Variants in TMEM132C observed in about 807,000 individuals in gnomAD.
TMEM132C encodes the protein transmembrane protein 132C.
Under a neutral mutation model 61.4 loss-of-function variants are expected in TMEM132C, and 29 were observed. The ratio of observed to expected loss-of-function variants is 0.47; its 90% CI spans 0.35 to 0.64. The LOEUF is 0.64. Ranked by LOEUF, TMEM132C falls within the 30% of genes least tolerant of loss-of-function variation. The pLI is 0.00. For missense variants in TMEM132C, 1,408 were observed against 1,476.9 expected (o/e 0.95, Z 0.76); for synonymous variants, 656 against 633.1 (o/e 1.04, Z -0.54).
chr12:128,358,130 G>C (rs1003724969), intron 1 of TMEM132C, among the ~76,000 whole-genome samples: 1 of 152,134 alleles, frequency 6.6e-6, no homozygotes. Flanking sequence ...GCCCTGGGCA[G>C]AGAGGCCCAG....
intron 3 of TMEM132C, among the ~76,000 whole-genome samples, chr12:128,559,544 C>T (rs1054740783): frequency 1.1e-4 from 16 of 152,280 alleles, no homozygotes; most frequent in South Asian, 2.1e-4. Context: ...TGCACAGAGA[C>T]GGCACCCATT....
intron 2 of TMEM132C, among the ~76,000 whole-genome samples, chr12:128,531,144 G>T (rs1873283103): frequency 6.6e-6 from 1 of 152,220 alleles, no homozygotes; most frequent in South Asian, 2.1e-4. Flanking sequence ...TGCTGTAGGA[G>T]TAGCCCCTTG....
At chr12:128,584,246 C>A (rs953375705) in intron 3 of TMEM132C, among the ~76,000 whole-genome samples, 7 of 152,164 alleles carry the variant, frequency 4.6e-5, no homozygotes, top group African/African-American at 1.4e-4. Flanking sequence ...GAAATAGTTC[C>A]TTGGAAGCAG....
At chr12:128,664,230 T>C (rs764859666) in intron 4 of TMEM132C, among the ~76,000 whole-genome samples, 34 of 88,536 alleles carry the variant, frequency 3.8e-4, no homozygotes, top group Admixed American at 1.6e-3. Context: ...GTGTGTTCCA[T>C]GAAGTCGTTC....
intron 5 of TMEM132C, among the ~76,000 whole-genome samples, chr12:128,679,829 T>G (rs1223831901): frequency 6.6e-6 from 1 of 152,134 alleles, no homozygotes; most frequent in African/African-American, 2.4e-5. Flanking sequence ...ATATTGTAGA[T>G]GCTATGGAGA....
At chr12:128,492,695 GTTGT>G (rs1871785083) in intron 2 of TMEM132C, among the ~76,000 whole-genome samples, 1 of 152,132 alleles carries the variant, frequency 6.6e-6, no homozygotes. Flanking sequence ...TTGTGATGGG[GTTGT>G]TTGTTTTTTT....
intron 2 of TMEM132C, among the ~76,000 whole-genome samples, chr12:128,464,203 G>A (rs1033663566): frequency 5.3e-5 from 8 of 152,104 alleles, no homozygotes; most frequent in East Asian, 1.9e-4. Flanking sequence ...GGAGAATACC[G>A]TTCATGAGCA....
intron 1 of TMEM132C, among the ~76,000 whole-genome samples, chr12:128,273,671 C>A (rs146780275): frequency 0.01 from 1,554 of 152,132 alleles, 17 homozygotes; most frequent in Middle Eastern, 0.027. Flanking sequence ...ATTTTATCTC[C>A]ACTATTGGCT....
At position 128,706,992 on chromosome 12, in the gene TMEM132C, T is replaced by C. The variant is rs1954846431; in HGVS notation, c.*697T>C. The C allele has an allele frequency of 6.6e-6, 1 of 152,254 alleles. No individual in the cohort carries two copies. 9.4% of individuals were successfully genotyped at this position (152,254 alleles called of 1,614,324 possible). ...AAACATAAATTATATTCCTATTCATTAGATAGGTTCCTAGGAACAATGCCA... is the reference window on the plus strand; with the variant it reads ...AAACATAAATTATATTCCTATTCATCAGATAGGTTCCTAGGAACAATGCCA... On this transcript the variant is annotated 3_prime_UTR_variant, in exon 9 of 9. Coordinates refer to ENST00000435159, the MANE Select transcript of TMEM132C (RefSeq NM_001136103.3).
chr12:128,404,113 C>T (rs1343637440), intron 1 of TMEM132C, among the ~76,000 whole-genome samples: 1 of 152,212 alleles, frequency 6.6e-6, no homozygotes, highest in Non-Finnish European at 1.5e-5. Context: ...TCAAGAAAAT[C>T]ACCCTTAACC....
At chr12:128,618,822 G>A (rs1876896348) in intron 4 of TMEM132C, among the ~76,000 whole-genome samples, 1 of 152,080 alleles carries the variant, frequency 6.6e-6, no homozygotes, top group African/African-American at 2.4e-5. Flanking sequence ...CCAGTCTCAG[G>A]TATGTCTTTA....
At chr12:128,270,511 G>A (rs1215069130) in intron 1 of TMEM132C, among the ~76,000 whole-genome samples, 1 of 152,162 alleles carries the variant, frequency 6.6e-6, no homozygotes, top group African/African-American at 2.4e-5. Context: ...GCCAAACCTT[G>A]GGATTGTCAG....
rs541058470 is a variant in TMEM132C, at chr12:128,516,078, C to T, written c.975-27879C>T. Among the ~76,000 whole-genome samples, 7 of 152,204 alleles carry T rather than the reference C, an allele frequency of 4.6e-5. No individual in the cohort carries two copies. In the East Asian group the frequency reaches 5.8e-4, roughly 13 times the overall value. On this transcript the variant is annotated intron_variant, in intron 2 of 8. Transcript: ENST00000435159. ...ATTCAGAAGGAAGGAGGAACCTGGA[C>T]GACAGAACGAGGCCTGATGCCACAA...
intron 2 of TMEM132C, among the ~76,000 whole-genome samples, chr12:128,528,439 C>T (rs1345887820): frequency 6.6e-6 from 1 of 152,202 alleles, no homozygotes; most frequent in African/African-American, 2.4e-5. Flanking sequence ...AATCTCAGAG[C>T]AGCAGATGCG....
intron 1 of TMEM132C, among the ~76,000 whole-genome samples, chr12:128,353,835 A>G (rs947430803): frequency 6.6e-6 from 1 of 152,164 alleles, no homozygotes; most frequent in African/African-American, 2.4e-5. Context: ...CCAAGTGCTG[A>G]AAACAGCACC....
Position 128,415,073 on chromosome 12 carries a change from A to C in TMEM132C, c.427A>C (p.Ser143Arg). ...CATCCTGCGGGACAAAGTCTACCTG[A>C]GCCGGCCCAAAGTGCAGGTTCTTTT... is the stretch of plus-strand genomic sequence containing the variant. ...AHILRDKVYL[S>R]RPKVQVLFHI... The change falls in exon 2 of 9, where the codon AGC becomes CGC. Residue 143 changes from serine (S) to arginine (R), a missense_variant. Coordinates refer to ENST00000435159, the MANE Select transcript of TMEM132C (RefSeq NM_001136103.3). This position sits in a 1 kb window ranked among gnomAD's most constrained non-coding sequence, Gnocchi z 5.8. 6.2e-7 allele frequency: 1 copy of C among 1,601,184 alleles called. No individual in the cohort carries two copies. Among genetic ancestry groups the C allele is most frequent in the Non-Finnish European group, 8.5e-7 (1 of 1,173,642 alleles).
intron 1 of TMEM132C, among the ~76,000 whole-genome samples, chr12:128,379,446 C>T (rs1028287485): frequency 1.3e-5 from 2 of 152,192 alleles, no homozygotes; most frequent in African/African-American, 4.8e-5. Flanking sequence ...CAACAAACTG[C>T]ATGACTTAAG....
chr12:128,653,054 C>T (rs1183579985), intron 4 of TMEM132C, among the ~76,000 whole-genome samples: 1 of 152,078 alleles, frequency 6.6e-6, no homozygotes, highest in African/African-American at 2.4e-5. Context: ...AAGAAATATA[C>T]AAAATGTAGT....
intron 8 of TMEM132C, among the ~76,000 whole-genome samples, chr12:128,698,922 G>A (rs140771204): frequency 6.6e-6 from 1 of 152,178 alleles, no homozygotes; most frequent in Non-Finnish European, 1.5e-5. Flanking sequence ...GCAGGAACAC[G>A]ATAGTGCTAC....
Sources: gnomAD v4.1 joint callset for allele counts (sites outside exome capture counted in the v4.1 genomes callset) on GRCh38, gnomAD v4.1.1 for gene constraint, Gnocchi (gnomAD v3.1) non-coding constraint, MANE v1.5 for transcripts, NCBI Gene and HGNC (gene_info 2026-07-23, HGNC 2026-07-21) for gene names.